Variants in LRRTM4 observed in about 807,000 individuals in gnomAD.
LRRTM4 encodes the protein leucine-rich repeat transmembrane neuronal protein 4.
LRRTM4 carries 25 observed loss-of-function variants against 47.6 expected under a neutral mutation model. The ratio of observed to expected loss-of-function variants is 0.53; its 90% confidence interval spans 0.38 to 0.73. The LOEUF (loss-of-function observed/expected upper bound fraction) is 0.73. LRRTM4 is among the 30% of genes least tolerant of loss of function. LRRTM4 has a pLI of 0.00. For synonymous variants in LRRTM4, 311 were observed against 269.5 expected (o/e 1.15, Z -1.51); for missense variants, 638 against 713.4 (o/e 0.89, Z 1.20).
At chr2:76,957,418 G>A (rs1390641818) in intron 3 of LRRTM4, among the ~76,000 whole-genome samples, 1 of 151,722 alleles carries the variant, frequency 6.6e-6, no homozygotes, top group African/African-American at 2.4e-5. Flanking sequence ...TTTTTCCACA[G>A]TGATAACAAG....
At chr2:77,331,722 A>AT (rs74754854) in intron 3 of LRRTM4, among the ~76,000 whole-genome samples, 20,638 of 151,984 alleles carry the variant, frequency 0.14, 2,074 homozygotes, top group African/African-American at 0.27. Flanking sequence ...GAGGTTCTAG[A>AT]TTTTTCCATC....
chr2:77,151,180 TTAACA>T (rs1672409411), intron 3 of LRRTM4, among the ~76,000 whole-genome samples: 2 of 149,738 alleles, frequency 1.3e-5, no homozygotes, highest in South Asian at 4.2e-4. Context: ...GTAAGAATAC[TTAACA>T]TGAGATCTAC....
At chr2:77,453,630 C>T (rs897690824) in intron 3 of LRRTM4, among the ~76,000 whole-genome samples, 1 of 151,992 alleles carries the variant, frequency 6.6e-6, no homozygotes, top group Non-Finnish European at 1.5e-5. Flanking sequence ...TTGAATTCTG[C>T]TTTTCTTGAT....
chr2:76,904,624 GA>G (rs1673758273), intron 3 of LRRTM4, among the ~76,000 whole-genome samples: 1 of 152,082 alleles, frequency 6.6e-6, no homozygotes, highest in African/African-American at 2.4e-5. Context: ...TTATATAACT[GA>G]GCAGTGAGGA....
intron 3 of LRRTM4, among the ~76,000 whole-genome samples, chr2:77,175,966 CT>C (rs759715146): frequency 5.8e-3 from 804 of 137,926 alleles, no homozygotes; most frequent in Middle Eastern, 0.011. Flanking sequence ...CTACTCCCGT[CT>C]TTTTTTTTTT....
At chr2:76,857,814 G>A (rs965807334) in intron 3 of LRRTM4, among the ~76,000 whole-genome samples, 1 of 152,016 alleles carries the variant, frequency 6.6e-6, no homozygotes, top group African/African-American at 2.4e-5. Flanking sequence ...TTTTCTAACA[G>A]GCAAATAGGC....
chr2:76,770,948 C>A (rs1238875699), intron 3 of LRRTM4, among the ~76,000 whole-genome samples: 1 of 152,162 alleles, frequency 6.6e-6, no homozygotes, highest in East Asian at 1.9e-4. Flanking sequence ...AGAATGCTAC[C>A]ACATGCTCCT....
At chr2:76,882,543 T>TA (rs200659670) in intron 3 of LRRTM4, among the ~76,000 whole-genome samples, 20,794 of 146,564 alleles carry the variant, frequency 0.14, 1,721 homozygotes, top group Admixed American at 0.21. Flanking sequence ...AGTTAAAAAA[T>TA]AAAAAAAAAA....
At chr2:76,825,857 C>G (rs1158794123) in intron 3 of LRRTM4, among the ~76,000 whole-genome samples, 2 of 151,632 alleles carry the variant, frequency 1.3e-5, no homozygotes, top group East Asian at 3.9e-4. Flanking sequence ...AAGGAACAAG[C>G]ACTAAGACAG....
chr2:76,799,762 T>C (rs1176792983), intron 3 of LRRTM4, among the ~76,000 whole-genome samples: 2 of 135,270 alleles, frequency 1.5e-5, no homozygotes, highest in East Asian at 2.4e-4. Flanking sequence ...AGTCTCAGGA[T>C]ACAAAATCAA....
intron 3 of LRRTM4, among the ~76,000 whole-genome samples, chr2:77,178,625 C>T (rs1673265716): frequency 6.6e-6 from 1 of 151,424 alleles, no homozygotes; most frequent in South Asian, 2.1e-4. Context: ...ACAAATAATA[C>T]TTTTTTCTTT....
At chr2:77,485,347 C>T (rs1249989124) in intron 3 of LRRTM4, among the ~76,000 whole-genome samples, 1 of 152,084 alleles carries the variant, frequency 6.6e-6, no homozygotes, top group Non-Finnish European at 1.5e-5. Flanking sequence ...AAAATTTGAA[C>T]TGGATCTTTA....
intron 3 of LRRTM4, among the ~76,000 whole-genome samples, chr2:77,269,914 G>A (rs558810415): frequency 6.6e-6 from 1 of 152,296 alleles, no homozygotes; most frequent in South Asian, 2.1e-4. Flanking sequence ...TCTGAATTAT[G>A]TTGCCTGGTA....
At chr2:76,798,541 C>A (rs1311146259) in intron 3 of LRRTM4, among the ~76,000 whole-genome samples, 1 of 149,788 alleles carries the variant, frequency 6.7e-6, no homozygotes, top group African/African-American at 2.5e-5. Flanking sequence ...ATTAAAAGAA[C>A]TAGAAAAGCA....
chr2:77,051,550 A>G (rs992548140), intron 3 of LRRTM4, among the ~76,000 whole-genome samples: 10 of 152,178 alleles, frequency 6.6e-5, no homozygotes, highest in Non-Finnish European at 1.2e-4. Context: ...GCCAAAATAC[A>G]TTAATTCCAC....
At chr2:77,090,638 C>A (rs1167184522) in intron 3 of LRRTM4, among the ~76,000 whole-genome samples, 2 of 152,186 alleles carry the variant, frequency 1.3e-5, no homozygotes, top group African/African-American at 2.4e-5. Context: ...ACCTCCTCCC[C>A]CAGGAGCTTG....
At chr2:76,922,800 T>C (rs1179894646) in intron 3 of LRRTM4, among the ~76,000 whole-genome samples, 1 of 152,040 alleles carries the variant, frequency 6.6e-6, no homozygotes, top group African/African-American at 2.4e-5. Context: ...GTAACCAACA[T>C]ATATTGCAGC....
intron 3 of LRRTM4, among the ~76,000 whole-genome samples, chr2:77,142,478 A>G (rs1558602384): frequency 6.6e-6 from 1 of 151,836 alleles, no homozygotes. Context: ...AGGGTCACTA[A>G]AGAAAAACTT....
chr2:77,338,291 A>G (rs1469977479), intron 3 of LRRTM4, among the ~76,000 whole-genome samples: 2 of 152,166 alleles, frequency 1.3e-5, no homozygotes, highest in Non-Finnish European at 2.9e-5. Context: ...AACTGTCAAC[A>G]GAGTAAACAG....
Sources: allele counts gnomAD v4.1 joint callset (sites outside exome capture counted in the v4.1 genomes callset), GRCh38; gene constraint gnomAD v4.1.1; transcripts MANE v1.5; gene names NCBI Gene and HGNC (gene_info 2026-07-23, HGNC 2026-07-21).